The following TUBGCP3 variants were observed in gnomAD, a reference collection of about 807,000 sequenced individuals.
TUBGCP3 encodes the protein tubulin gamma complex component 3.
Under a neutral mutation model 123.1 loss-of-function variants are expected in TUBGCP3, and 50 were observed. The observed-to-expected ratio is 0.41, with a 90% CI of 0.32 to 0.51. TUBGCP3 has a LOEUF of 0.51. Among genes scored for constraint, TUBGCP3 ranks in the 20% least tolerant of loss-of-function variants. The pLI is 0.36. For synonymous variants in TUBGCP3, 405 were observed against 413.9 expected, an observed-to-expected ratio of 0.98 and a Z score of 0.26; for missense variants, 882 against 1,127.0, an observed-to-expected ratio of 0.78 and a Z score of 3.11.
chr13:112,602,464 C>A, the TUBGCP3 span, among the ~76,000 whole-genome samples: 1 of 152,252 alleles, frequency 6.6e-6, no homozygotes, highest in African/African-American at 2.4e-5. Context: ...TCTCAAAAGA[C>A]CTTCTGAATA....
intron 1 of TUBGCP3, among the ~76,000 whole-genome samples, chr13:112,576,982 T>A (rs1594227893): frequency 1.9e-4 from 25 of 131,182 alleles, no homozygotes; most frequent in Non-Finnish European, 2.7e-4. Flanking sequence ...AAAAAAAAAT[T>A]CTTAAAAAAA....
chr13:112,523,200 T>C (rs902762550), intron 13 of TUBGCP3, among the ~76,000 whole-genome samples: 1 of 152,188 alleles, frequency 6.6e-6, no homozygotes, highest in South Asian at 2.1e-4. Context: ...ACAATAATAC[T>C]TAAGCTAGAC....
intron 1 of TUBGCP3, among the ~76,000 whole-genome samples, chr13:112,578,010 G>A (rs1046068050): frequency 3.9e-5 from 6 of 152,204 alleles, no homozygotes; most frequent in African/African-American, 1.4e-4. Flanking sequence ...AGCTGAGGCA[G>A]GGCTTGCATG....
intron 19 of TUBGCP3, among the ~76,000 whole-genome samples, chr13:112,499,629 T>C (rs1227091235): frequency 6.6e-6 from 1 of 151,748 alleles, no homozygotes; most frequent in Non-Finnish European, 1.5e-5. Context: ...TAATCAAAAA[T>C]ATGAGAAAGG....
chr13:112,488,002 CGT>C (rs1379840461), intron 21 of TUBGCP3, among the ~76,000 whole-genome samples: 1 of 151,674 alleles, frequency 6.6e-6, no homozygotes, highest in Non-Finnish European at 1.5e-5. Flanking sequence ...TGTGGTGGCG[CGT>C]GCCTGTAATC....
At chr13:112,574,887 C>G (rs983466110) in intron 1 of TUBGCP3, among the ~76,000 whole-genome samples, 1 of 152,212 alleles carries the variant, frequency 6.6e-6, no homozygotes, top group Non-Finnish European at 1.5e-5. Context: ...CACAAACAGG[C>G]AAAGACAGAA....
chr13:112,538,870 T>C (rs1566560780), intron 11 of TUBGCP3, among the ~76,000 whole-genome samples: 1 of 152,266 alleles, frequency 6.6e-6, no homozygotes, highest in Non-Finnish European at 1.5e-5. Context: ...AGAGACAAAA[T>C]TTCCACATTT....
At chr13:112,532,708 G>A (rs1389174352) in intron 11 of TUBGCP3, among the ~76,000 whole-genome samples, 1 of 152,176 alleles carries the variant, frequency 6.6e-6, no homozygotes, top group African/African-American at 2.4e-5. Context: ...ACATTTAAGA[G>A]CAAAAAATAT....
intron 20 of TUBGCP3, among the ~76,000 whole-genome samples, chr13:112,497,235 C>T (rs890960776): frequency 5.9e-5 from 9 of 152,108 alleles, no homozygotes; most frequent in African/African-American, 1.7e-4. Flanking sequence ...CACCCAAAGG[C>T]GCAAAGCCAG....
chr13:112,488,469 C>T (rs1879824194), intron 21 of TUBGCP3, among the ~76,000 whole-genome samples: 1 of 152,236 alleles, frequency 6.6e-6, no homozygotes, highest in Non-Finnish European at 1.5e-5. Flanking sequence ...TGTCTGCTGG[C>T]TGCCGGCCCC....
intron 13 of TUBGCP3, 46 bp from the exon 14 acceptor site, chr13:112,522,555 A>G: frequency 6.4e-7 from 1 of 1,561,900 alleles, no homozygotes; most frequent in South Asian, 1.2e-5. Context: ...TGTAATTTGT[A>G]TTTCCACAGA....
intron 3 of TUBGCP3, among the ~76,000 whole-genome samples, chr13:112,562,113 C>A (rs1880558498): frequency 6.7e-6 from 1 of 150,244 alleles, no homozygotes; most frequent in African/African-American, 2.5e-5. Context: ...CACTAGGGAA[C>A]ACCACCAGCC....
At chr13:112,596,808 G>A in the TUBGCP3 span, among the ~76,000 whole-genome samples, 12 of 152,190 alleles carry the variant, frequency 7.9e-5, no homozygotes, top group African/African-American at 2.7e-4. Context: ...CAGATTGAAT[G>A]ACTTCTATTA....
At chr13:112,516,405 G>C in intron 17 of TUBGCP3, 35 bp downstream of exon 17, 1 of 1,538,362 alleles carries the variant, frequency 6.5e-7, no homozygotes, top group Non-Finnish European at 8.8e-7. Context: ...GCCGCTGGGA[G>C]TGTGTGCGGA....
chr13:112,488,388 C>T (rs1216738374), intron 21 of TUBGCP3, among the ~76,000 whole-genome samples: 3 of 152,190 alleles, frequency 2.0e-5, no homozygotes, highest in African/African-American at 7.2e-5. Context: ...AAACTGGACC[C>T]ATACATGGAG....
rs763392604 is a variant in TUBGCP3 at position 112,499,121 on chromosome 13, G to A, written c.2372C>T (p.Ala791Val). 4.3e-6 allele frequency: 7 copies of A among 1,613,886 alleles called. No individual in the cohort carries two copies. ...TTCTTCCAGAGCAGCTCTGTATATTGCATCTTGAGCATTCTGAAGTTCAAT... is the reference window on the plus strand; with the variant it reads ...TTCTTCCAGAGCAGCTCTGTATATTACATCTTGAGCATTCTGAAGTTCAAT... ...QIIELQNAQD[A>V]IYRAALEELQ... is the part of the protein sequence containing the mutation. Residue 791 changes from alanine (A) to valine (V), a missense_variant, in exon 20 of 22, where the codon GCA becomes GTA. This residue lies in a region of TUBGCP3 where 160 missense variants were observed against 220.3 expected (regional missense o/e 0.73). Coordinates refer to ENST00000261965, the MANE Select transcript of TUBGCP3 (RefSeq NM_006322.6).
upstream of TUBGCP3, among the ~76,000 whole-genome samples, chr13:112,592,579 G>C (rs115222487): frequency 2.6e-5 from 4 of 152,238 alleles, no homozygotes; most frequent in Non-Finnish European, 5.9e-5. This position sits in a 1 kb window ranked among gnomAD's most constrained non-coding sequence, Gnocchi z 4.1. Context: ...TATGGCCCTG[G>C]AGTCAGGGGA....
At chr13:112,570,306 C>T (rs1461114491) in intron 1 of TUBGCP3, among the ~76,000 whole-genome samples, 27 of 152,178 alleles carry the variant, frequency 1.8e-4, no homozygotes. Flanking sequence ...GAGTGGGGAT[C>T]CCCAACAAGC....
At chr13:112,552,046 G>A (rs1879634799) in intron 8 of TUBGCP3, among the ~76,000 whole-genome samples, 1 of 152,212 alleles carries the variant, frequency 6.6e-6, no homozygotes, top group Non-Finnish European at 1.5e-5. Context: ...AGGAGGCAGA[G>A]CTCAGGCGGT....
Sources: allele counts gnomAD v4.1 joint callset (sites outside exome capture counted in the v4.1 genomes callset), GRCh38; gene constraint gnomAD v4.1.1; regional missense constraint gnomAD v4.1.1; non-coding constraint Gnocchi (gnomAD v3.1); transcripts MANE v1.5; gene names NCBI Gene and HGNC (gene_info 2026-07-23, HGNC 2026-07-21).